Variants in CSMD3 observed in about 807,000 individuals in gnomAD.
CSMD3 encodes the protein CUB and sushi domain-containing protein 3.
In CSMD3, 177 loss-of-function variants were observed where a neutral mutation model predicts 435.2. That is an observed-to-expected ratio of 0.41 (90% confidence interval 0.36 to 0.46). The LOEUF (loss-of-function observed/expected upper bound fraction) is 0.46. Ranked by LOEUF, CSMD3 falls within the 20% of genes least tolerant of loss-of-function variation. The probability of loss-of-function intolerance (pLI) is 0.34; values close to 1 mark genes in which losing one functional copy is unlikely to be tolerated. For missense variants in CSMD3, 4,265 were observed against 4,504.6 expected (o/e 0.95, Z 1.52); for synonymous variants, 1,656 against 1,520.5 (o/e 1.09, Z -2.07).
chr8:112,689,146 G>A (rs16883949), intron 14 of CSMD3, among the ~76,000 whole-genome samples: 11,963 of 152,042 alleles, frequency 0.079, 933 homozygotes, highest in African/African-American at 0.19. Context: ...GGGGACGTAT[G>A]CACTTTTCCT....
chr8:113,327,821 T>C (rs1295896442), intron 1 of CSMD3, among the ~76,000 whole-genome samples: 1 of 151,528 alleles, frequency 6.6e-6, no homozygotes, highest in Non-Finnish European at 1.5e-5. Context: ...TGCCTGAAGC[T>C]TCTGTGTAAA....
intron 1 of CSMD3, among the ~76,000 whole-genome samples, chr8:113,318,743 G>A (rs187619927): frequency 2.7e-5 from 4 of 150,632 alleles, no homozygotes; most frequent in Non-Finnish European, 4.4e-5. Context: ...GTCCATCCAG[G>A]TTGTAGCACA....
chr8:113,372,012 C>A (rs1213541560), intron 1 of CSMD3, among the ~76,000 whole-genome samples: 5 of 152,030 alleles, frequency 3.3e-5, no homozygotes, highest in Non-Finnish European at 5.9e-5. Flanking sequence ...TAGTGATAGC[C>A]TACAGTTCCA....
At chr8:112,430,005 G>A (rs1298161882) in intron 32 of CSMD3, among the ~76,000 whole-genome samples, 2 of 151,892 alleles carry the variant, frequency 1.3e-5, no homozygotes, top group Admixed American at 1.3e-4. Flanking sequence ...AGTAGTGTCT[G>A]GTGGTATTAT....
chr8:112,684,677 T>G (rs2075973232), intron 15 of CSMD3, among the ~76,000 whole-genome samples: 1 of 152,118 alleles, frequency 6.6e-6, no homozygotes, highest in Non-Finnish European at 1.5e-5. Context: ...ATTATAAACA[T>G]TTTTGCAGAT....
chr8:112,653,782 C>A (rs1334289837), intron 18 of CSMD3, among the ~76,000 whole-genome samples: 2 of 151,654 alleles, frequency 1.3e-5, no homozygotes, highest in African/African-American at 2.4e-5. Flanking sequence ...GCCTCAGCCT[C>A]CTGAGTAGCT....
At position 112,603,158 on chromosome 8, in the gene CSMD3, G is replaced by A. The variant is rs1401162319; in HGVS notation, c.3716-15923C>T. On this transcript the variant is annotated intron_variant, in intron 22 of 70. Coordinates refer to ENST00000297405, the MANE Select transcript of CSMD3 (RefSeq NM_198123.2). The stretch of plus-strand genomic sequence containing the variant: ...CTCTCAAAGTGTCGGGATTGCAGGC[G>A]TAAGCCACTGCATCTGGCCCAATTC... Among the ~76,000 whole-genome samples the A allele has an allele frequency of 5.9e-5, 9 of 152,326 alleles. No homozygotes were observed. The South Asian group carries it at 8.3e-4, about 14-fold the overall frequency.
intron 13 of CSMD3, among the ~76,000 whole-genome samples, chr8:112,706,806 TAC>T (rs1157949000): frequency 6.6e-6 from 1 of 152,090 alleles, no homozygotes; most frequent in African/African-American, 2.4e-5. Flanking sequence ...AAACTTGATA[TAC>T]AGTCAATTAA....
chr8:112,660,414 T>A (rs2075352840), intron 17 of CSMD3, among the ~76,000 whole-genome samples: 1 of 152,180 alleles, frequency 6.6e-6, no homozygotes, highest in Admixed American at 6.6e-5. Context: ...GCTACTGAGT[T>A]ACTGCTAACC....
intron 1 of CSMD3, among the ~76,000 whole-genome samples, chr8:113,400,809 C>G (rs532707167): frequency 2.0e-5 from 3 of 151,974 alleles, no homozygotes; most frequent in African/African-American, 7.2e-5. Flanking sequence ...TTAAATAGAG[C>G]TCCCCTAAAC....
chr8:113,024,479 GTATTGCTGGGTCA>G (rs2086800145), intron 5 of CSMD3, among the ~76,000 whole-genome samples: 1 of 152,246 alleles, frequency 6.6e-6, no homozygotes, highest in South Asian at 2.1e-4. Flanking sequence ...CCTGGTAGTA[GTATTGCTGGGTCA>G]TATGGTAGTT....
chr8:113,138,238 G>A (rs2091463263), intron 4 of CSMD3, among the ~76,000 whole-genome samples: 1 of 151,350 alleles, frequency 6.6e-6, no homozygotes, highest in Non-Finnish European at 1.5e-5. Context: ...ATCCATAATT[G>A]TGGACATGTA....
At chr8:112,319,021 T>G in intron 46 of CSMD3, 71 bp from the exon 47 acceptor site, 1 of 880,950 alleles carries the variant, frequency 1.1e-6, no homozygotes, top group Non-Finnish European at 1.9e-6. Flanking sequence ...ATATTTCAAT[T>G]GTAGGAGAAT....
At chr8:112,952,722 A>C (rs1344783664) in intron 8 of CSMD3, among the ~76,000 whole-genome samples, 1 of 151,562 alleles carries the variant, frequency 6.6e-6, no homozygotes, top group South Asian at 2.1e-4. Context: ...ATGAAAAACC[A>C]AGAGTATTTA....
At chr8:113,292,768 T>A (rs2093694873) in intron 2 of CSMD3, among the ~76,000 whole-genome samples, 1 of 151,812 alleles carries the variant, frequency 6.6e-6, no homozygotes, top group Admixed American at 6.6e-5. Context: ...GATGCAAAAG[T>A]AATTGAGGAT....
At chr8:112,869,095 G>A (rs1025306011) in intron 10 of CSMD3, among the ~76,000 whole-genome samples, 1 of 152,236 alleles carries the variant, frequency 6.6e-6, no homozygotes, top group Non-Finnish European at 1.5e-5. Context: ...CTCTCATGGA[G>A]GAAAAAATCT....
chr8:113,238,753 G>T (rs1211577127), intron 3 of CSMD3, among the ~76,000 whole-genome samples: 1 of 152,086 alleles, frequency 6.6e-6, no homozygotes, highest in Non-Finnish European at 1.5e-5. Flanking sequence ...GGCCCAAGAG[G>T]TACTAGCACT....
chr8:113,380,825 G>A (rs6469454), intron 1 of CSMD3, among the ~76,000 whole-genome samples: 139,612 of 152,192 alleles, frequency 0.92, 64,228 homozygotes, highest in African/African-American at 0.98. Flanking sequence ...TCGGAGACCA[G>A]ATGCTTTTCA....
intron 3 of CSMD3, among the ~76,000 whole-genome samples, chr8:113,174,791 A>G (rs1386613451): frequency 2.0e-5 from 3 of 150,698 alleles, no homozygotes; most frequent in Non-Finnish European, 2.9e-5. Flanking sequence ...TATACTACAA[A>G]TAATAATAAA....
Sources: gnomAD v4.1 joint callset for allele counts (sites outside exome capture counted in the v4.1 genomes callset) on GRCh38, gnomAD v4.1.1 for gene constraint, MANE v1.5 for transcripts, NCBI Gene and HGNC (gene_info 2026-07-23, HGNC 2026-07-21) for gene names.